KLF8: variants seen among roughly 807,000 people sequenced by gnomAD.
KLF8 encodes Krueppel-like factor 8.
KLF8 carries 10 observed loss-of-function variants against 18.2 expected under a neutral mutation model. That is an observed-to-expected ratio of 0.55 (90% CI 0.34 to 0.93). The LOEUF is 0.93. Ranked by LOEUF, KLF8 falls within the 40% of genes least tolerant of loss-of-function variation. The pLI, the probability that KLF8 is intolerant of heterozygous loss-of-function variation, is 0.02. For synonymous variants in KLF8, 109 were observed against 97.3 expected, an observed-to-expected ratio of 1.12 and a Z score of -0.71; for missense variants, 264 against 277.9, an observed-to-expected ratio of 0.95 and a Z score of 0.36.
chrX:56,063,822 G>A, the KLF8 span, among the ~76,000 whole-genome samples: 57 of 110,811 alleles, frequency 5.1e-4, no homozygotes, highest in African/African-American at 1.8e-3. Context: ...CCCTGACTGG[G>A]GCTGCTGTCT....
At chrX:55,961,566 G>T in the KLF8 span, 3 of 526,976 alleles carry the variant, frequency 5.7e-6, no homozygotes. Context: ...GTGAAGTGTT[G>T]AAAAATGTCC....
intron 2 of KLF8, among the ~76,000 whole-genome samples, chrX:56,262,095 C>A (rs920185751): frequency 8.9e-6 from 1 of 112,084 alleles, no homozygotes; most frequent in Admixed American, 9.5e-5. Flanking sequence ...CCAAACAACT[C>A]CCCTTCCAAC....
chrX:55,958,836 A>T, the KLF8 span, among the ~76,000 whole-genome samples: 1 of 112,427 alleles, frequency 8.9e-6, no homozygotes, highest in African/African-American at 3.2e-5. Context: ...GTTTGGGCAC[A>T]CCCACCACTG....
At chrX:56,032,112 C>T in the KLF8 span, among the ~76,000 whole-genome samples, 3 of 110,775 alleles carry the variant, frequency 2.7e-5, no homozygotes, top group African/African-American at 6.6e-5. Context: ...TGGTGCCTGG[C>T]GCCGGGCTGC....
Position 56,250,092 on chromosome X carries a change from AG to A in KLF8, c.8-137del. 1.1e-5 allele frequency: 5 copies of A among 445,109 alleles called. No individual in the cohort carries two copies. In the South Asian group the frequency reaches 2.2e-4, roughly 20 times the overall value. 36.7% of individuals were successfully genotyped at this position (445,109 alleles called of 1,213,427 possible). The stretch of plus-strand genomic sequence containing the variant: ...ATCTTGATGAGTAAAATAAATCAGA[AG>A]GTTTCAATGACTTATCAGTATCTGG... On this transcript the variant is annotated intron_variant, in intron 1 of 5. Coordinates refer to ENST00000468660, the MANE Select transcript of KLF8 (RefSeq NM_007250.5).
At chrX:56,021,849 G>A in the KLF8 span, among the ~76,000 whole-genome samples, 1 of 109,654 alleles carries the variant, frequency 9.1e-6, no homozygotes, top group African/African-American at 3.3e-5. Flanking sequence ...TTTGCTGAGG[G>A]AACAGCAGGC....
the KLF8 span, among the ~76,000 whole-genome samples, chrX:56,064,088 TATATAC>T: frequency 1.3e-4 from 14 of 103,973 alleles, no homozygotes; most frequent in Admixed American, 8.5e-4. Flanking sequence ...TGTGTGTGTA[TATATAC>T]ATATATACAT....
chrX:56,223,294 ATGAC>A, the KLF8 span, among the ~76,000 whole-genome samples: 1 of 112,814 alleles, frequency 8.9e-6, no homozygotes, highest in Non-Finnish European at 1.9e-5. Flanking sequence ...ACCTAGAACA[ATGAC>A]TGGCACACAG....
At chrX:55,939,914 C>T in the KLF8 span, among the ~76,000 whole-genome samples, 5 of 111,571 alleles carry the variant, frequency 4.5e-5, no homozygotes, top group African/African-American at 1.6e-4. Context: ...AGTCCAGGAC[C>T]AGATGGATTC....
chrX:55,977,825 G>A, the KLF8 span, among the ~76,000 whole-genome samples: 2 of 111,236 alleles, frequency 1.8e-5, no homozygotes, highest in Non-Finnish European at 3.8e-5. Flanking sequence ...GAAGCAGGGA[G>A]ACCTTTTGGA....
chrX:56,070,170 A>G, the KLF8 span, among the ~76,000 whole-genome samples: 1 of 111,202 alleles, frequency 9.0e-6, no homozygotes, highest in Non-Finnish European at 1.9e-5. Flanking sequence ...CAAACACAGC[A>G]TGTTCTCACT....
the KLF8 span, among the ~76,000 whole-genome samples, chrX:56,038,265 C>A: frequency 2.7e-5 from 3 of 111,430 alleles, no homozygotes; most frequent in Admixed American, 2.9e-4. Flanking sequence ...ATGTGCAGAT[C>A]CGTTACATAA....
the KLF8 span, among the ~76,000 whole-genome samples, chrX:55,956,210 A>G: frequency 0.023 from 2,489 of 107,745 alleles, 110 homozygotes; most frequent in African/African-American, 0.082. Flanking sequence ...CTATCTATCT[A>G]TCATCTATCT....
At chrX:56,174,037 G>A in the KLF8 span, among the ~76,000 whole-genome samples, 1 of 111,917 alleles carries the variant, frequency 8.9e-6, no homozygotes, top group Non-Finnish European at 1.9e-5. Flanking sequence ...CATGTCATCT[G>A]CAAACAGGGA....
intron 5 of KLF8, among the ~76,000 whole-genome samples, chrX:56,283,592 C>T (rs1402405938): frequency 1.8e-5 from 2 of 110,885 alleles, no homozygotes; most frequent in Non-Finnish European, 3.8e-5. Flanking sequence ...AGGATGTTCT[C>T]AATATACTGA....
chrX:56,070,623 G>A, the KLF8 span, among the ~76,000 whole-genome samples: 2 of 110,882 alleles, frequency 1.8e-5, 1 homozygote, highest in South Asian at 7.7e-4. Flanking sequence ...GAGAACACAT[G>A]GACCCAGGGA....
the KLF8 span, among the ~76,000 whole-genome samples, chrX:56,045,335 C>A: frequency 8.9e-6 from 1 of 111,803 alleles, no homozygotes; most frequent in African/African-American, 3.2e-5. Flanking sequence ...TAATGTGATG[C>A]TTCCAGATAT....
the KLF8 span, among the ~76,000 whole-genome samples, chrX:56,059,254 C>T: frequency 9.0e-6 from 1 of 111,629 alleles, no homozygotes; most frequent in African/African-American, 3.3e-5. Context: ...GGATATTAGC[C>T]CTTTGCCAGA....
At position 56,250,282 on chromosome X, in the gene KLF8, G is replaced by A. The variant is rs764459709; in HGVS notation, c.59G>A (p.Gly20Asp). Residue 20 changes from glycine (G) to aspartate (D), a missense_variant, in exon 2 of 6, where the codon GGC becomes GAC. Around this residue, in one of 2 missense-constraint regions of KLF8, gnomAD observed 221 missense variants for 193.6 expected, o/e 1.14. Coordinates refer to ENST00000468660, the MANE Select transcript of KLF8 (RefSeq NM_007250.5). The part of the protein sequence containing the change: ...NLEVQLNSEG[G>D]SMQVFKQVTA... The stretch of plus-strand genomic sequence containing the variant: ...GAGGTCCAACTTAATTCAGAAGGTG[G>A]CTCAATGCAGGTATTCAAGCAGGTC... The A allele has an allele frequency of 2.5e-6, 3 of 1,205,428 alleles. No homozygotes were observed. Among genetic ancestry groups the A allele is most frequent in the Non-Finnish European group, 3.4e-6 (3 of 889,899 alleles).
Sources: allele counts gnomAD v4.1 joint callset (sites outside exome capture counted in the v4.1 genomes callset), GRCh38; gene constraint gnomAD v4.1.1; regional missense constraint gnomAD v4.1.1; transcripts MANE v1.5; gene names NCBI Gene and HGNC (gene_info 2026-07-23, HGNC 2026-07-21).